CX3CR1: variants seen among roughly 807,000 people sequenced by gnomAD.
CX3CR1 encodes C-X3-C motif chemokine receptor 1.
For synonymous variants in CX3CR1, 168 were observed against 178.5 expected (o/e 0.94, Z 0.47); for missense variants, 363 against 432.4 (o/e 0.84, Z 1.42).
upstream of CX3CR1, among the ~76,000 whole-genome samples, chr3:39,282,240 C>T (rs1418891325): frequency 6.6e-6 from 1 of 152,166 alleles, no homozygotes; most frequent in Non-Finnish European, 1.5e-5. Flanking sequence ...TCCCTCCACG[C>T]CTCCTTGGGC....
At chr3:39,280,386 C>G, upstream of CX3CR1, 2 of 985,490 alleles carry the variant, frequency 2.0e-6, no homozygotes, top group African/African-American at 3.5e-5. Context: ...CGAGAGGGAG[C>G]CCAGAGTACT....
At chr3:39,269,373 TG>T (rs1012147442) in intron 1 of CX3CR1, among the ~76,000 whole-genome samples, 9 of 152,106 alleles carry the variant, frequency 5.9e-5, no homozygotes, top group Non-Finnish European at 1.2e-4. Flanking sequence ...ATCTCTAATT[TG>T]CACCAAGTCT....
At chr3:39,281,821 C>T (rs764100615), upstream of CX3CR1, 11 of 703,724 alleles carry the variant, frequency 1.6e-5, no homozygotes, top group Non-Finnish European at 2.2e-5. Flanking sequence ...TCCCAACTCA[C>T]CTGGCTGTCC....
chr3:39,281,255 A>AAGGCCACAGGACAAAAGCAGAGTC, upstream of CX3CR1: 1 of 1,062,822 alleles, frequency 9.4e-7, no homozygotes, highest in Non-Finnish European at 1.1e-6. Flanking sequence ...CTTTGGCCAG[A>AAGGCCACAGGACAAAAGCAGAGTC]AGGCCACAGG....
chr3:39,265,901 G>C lies in CX3CR1; in HGVS notation c.609C>G (p.Pro203=). 6.2e-7 allele frequency: 1 copy of C among 1,614,196 alleles called. No homozygotes were observed. The highest frequency in any genetic ancestry group is 8.5e-7 in the Non-Finnish European group (1 of 1,180,034). The part of the protein sequence containing the change: ...VETNFLGFLL[P]LLIMSYCYFR... ...AGTAGCAATAACTCATAATGAGCAG[G>C]GGGAGTAGGAAGCCAAGAAAATTTG... The change falls in exon 2 of 2, where the codon CCC becomes CCG. Residue 203 remains proline (P), a synonymous_variant. Transcript: ENST00000399220.
At chr3:39,280,371 G>C (rs1184522681), upstream of CX3CR1, 9 of 985,378 alleles carry the variant, frequency 9.1e-6, no homozygotes, top group African/African-American at 1.7e-5. Context: ...CAGCTTCCCT[G>C]CCCACGAGAG....
chr3:39,282,239 G>A (rs555714195), upstream of CX3CR1, among the ~76,000 whole-genome samples: 10 of 152,078 alleles, frequency 6.6e-5, no homozygotes, highest in Non-Finnish European at 1.5e-4. Flanking sequence ...CTCCCTCCAC[G>A]CCTCCTTGGG....
At chr3:39,278,184 T>C (rs1264078219) in intron 1 of CX3CR1, among the ~76,000 whole-genome samples, 1 of 152,164 alleles carries the variant, frequency 6.6e-6, no homozygotes, top group African/African-American at 2.4e-5. Flanking sequence ...GCAGACTTTG[T>C]GGAGACTGGC....
Position 39,266,083 on chromosome 3 carries a change from C to A in CX3CR1, c.427G>T (p.Val143Leu). 1 of 1,614,184 alleles carries A rather than the reference C, an allele frequency of 6.2e-7. No homozygotes were observed. Among genetic ancestry groups the A allele is most frequent in the Non-Finnish European group, 8.5e-7 (1 of 1,180,046 alleles). The change falls in exon 2 of 2, where the codon GTG becomes TTG. Residue 143 changes from valine to leucine, a missense_variant. Transcript: ENST00000399220. Reference sequence around the variant, plus strand: ...AGGCTGATGGTGACGCCATGCTGCACGGTCCGGTTGTTCATGGAGTTGGCG... The same window carrying A: ...AGGCTGATGGTGACGCCATGCTGCAAGGTCCGGTTGTTCATGGAGTTGGCG... ...LAANSMNNRT[V>L]QHGVTISLGV... is the part of the protein sequence containing the mutation.
chr3:39,292,357 T>C, the CX3CR1 span, among the ~76,000 whole-genome samples: 16 of 152,222 alleles, frequency 1.1e-4, no homozygotes, highest in Non-Finnish European at 1.6e-4. Flanking sequence ...TCTAAGTTCC[T>C]TGTGACTTCC....
the CX3CR1 span, among the ~76,000 whole-genome samples, chr3:39,288,256 A>G: frequency 6.6e-6 from 1 of 152,216 alleles, no homozygotes; most frequent in Non-Finnish European, 1.5e-5. Context: ...GTACACAAGC[A>G]ATGCATCTCC....
chr3:39,289,182 T>C, the CX3CR1 span, among the ~76,000 whole-genome samples: 1 of 151,946 alleles, frequency 6.6e-6, no homozygotes, highest in Non-Finnish European at 1.5e-5. Context: ...TAAACTTATA[T>C]GGCAAAGTCG....
chr3:39,290,757 T>G, the CX3CR1 span, among the ~76,000 whole-genome samples: 3 of 151,888 alleles, frequency 2.0e-5, no homozygotes, highest in Non-Finnish European at 4.4e-5. Context: ...TCGTCTCTAG[T>G]AAAAATACAA....
At chr3:39,283,841 A>ATATG (rs71085352), upstream of CX3CR1, among the ~76,000 whole-genome samples, 1 of 109,892 alleles carries the variant, frequency 9.1e-6, no homozygotes, top group East Asian at 3.1e-4. Context: ...ATATATATAT[A>ATATG]ATGTGGTTAA....
chr3:39,274,235 G>A (rs1382706970), intron 1 of CX3CR1, among the ~76,000 whole-genome samples: 2 of 152,080 alleles, frequency 1.3e-5, no homozygotes, highest in Non-Finnish European at 2.9e-5. Flanking sequence ...CATTTATGAT[G>A]GCAGCTATTT....
intron 1 of CX3CR1, among the ~76,000 whole-genome samples, chr3:39,267,985 G>T (rs1237140706): frequency 1.3e-5 from 2 of 152,158 alleles, no homozygotes; most frequent in African/African-American, 4.8e-5. Flanking sequence ...CTCAAAACAG[G>T]CCTCCTGGTT....
At chr3:39,272,294 G>A (rs2040786934) in intron 1 of CX3CR1, among the ~76,000 whole-genome samples, 1 of 152,200 alleles carries the variant, frequency 6.6e-6, no homozygotes, top group African/African-American at 2.4e-5. Flanking sequence ...CTTGAGCTGG[G>A]AGAGTTTCGG....
intron 1 of CX3CR1, among the ~76,000 whole-genome samples, chr3:39,269,235 A>T (rs1394388450): frequency 2.0e-5 from 3 of 152,218 alleles, no homozygotes; most frequent in African/African-American, 7.2e-5. Flanking sequence ...GGAATGGGAC[A>T]AATGTGGAGA....
In CX3CR1 at chr3:39,264,621, G is replaced by A. The variant is rs973294842; in HGVS notation, c.*821C>T. The A allele has an allele frequency of 2.0e-5, 3 of 152,322 alleles. No individual in the cohort carries two copies. Among genetic ancestry groups the A allele is most frequent in the African/African-American group, 7.2e-5 (3 of 41,450 alleles). 9.4% of individuals were successfully genotyped at this position (152,322 alleles called of 1,614,324 possible). ...CCATGGTGGACGTATGAGAAGCCAA[G>A]CATTTGAGTTTTGACTCGATGCAGT... On this transcript the variant is annotated 3_prime_UTR_variant, in exon 2 of 2. Transcript: ENST00000399220.
Sources: gnomAD v4.1 joint callset for allele counts (sites outside exome capture counted in the v4.1 genomes callset) on GRCh38, gnomAD v4.1.1 for gene constraint, MANE v1.5 for transcripts, NCBI Gene and HGNC (gene_info 2026-07-23, HGNC 2026-07-21) for gene names.